Variants in CSMD3 observed in about 807,000 individuals in gnomAD.
CSMD3 encodes CUB and sushi domain-containing protein 3.
A neutral mutation model predicts 435.2 loss-of-function variants in CSMD3; 177 were observed. The observed-to-expected ratio is 0.41, with a 90% CI of 0.36 to 0.46. The LOEUF is 0.46. CSMD3 is among the 20% of genes least tolerant of loss of function. CSMD3 has a pLI of 0.34. For synonymous variants in CSMD3, 1,656 were observed against 1,520.5 expected (o/e 1.09, Z -2.07); for missense variants, 4,265 against 4,504.6 (o/e 0.95, Z 1.52).
chr8:113,279,849 T>C (rs909892264), intron 2 of CSMD3, among the ~76,000 whole-genome samples: 2 of 151,814 alleles, frequency 1.3e-5, no homozygotes, highest in Admixed American at 1.3e-4. Flanking sequence ...ATGTGCATAG[T>C]TATTAAACAT....
At chr8:112,565,806 T>A (rs1829015044) in intron 24 of CSMD3, among the ~76,000 whole-genome samples, 1 of 152,040 alleles carries the variant, frequency 6.6e-6, no homozygotes, top group Admixed American at 6.6e-5. Context: ...ACTCAATTCC[T>A]TTTTACAAAA....
At chr8:112,795,097 A>T (rs1195503893) in intron 13 of CSMD3, among the ~76,000 whole-genome samples, 2 of 152,162 alleles carry the variant, frequency 1.3e-5, no homozygotes, top group Non-Finnish European at 2.9e-5. Context: ...TTTGTTATTC[A>T]TACTATTCCA....
chr8:112,923,554 A>G (rs10447987), intron 9 of CSMD3, among the ~76,000 whole-genome samples: 2,992 of 151,988 alleles, frequency 0.02, 38 homozygotes, highest in Non-Finnish European at 0.029. Context: ...CCCATTCTCA[A>G]TTGTTCTGGT....
intron 28 of CSMD3, among the ~76,000 whole-genome samples, chr8:112,514,728 T>C (rs1246678127): frequency 6.6e-6 from 1 of 152,044 alleles, no homozygotes; most frequent in Non-Finnish European, 1.5e-5. Context: ...ACTGACTGTT[T>C]CTATATGCAA....
intron 7 of CSMD3, among the ~76,000 whole-genome samples, chr8:112,957,355 A>C (rs1404243685): frequency 6.6e-6 from 1 of 152,198 alleles, no homozygotes; most frequent in African/African-American, 2.4e-5. Context: ...TATACAGGTT[A>C]AGGAAAATGT....
At chr8:113,426,725 T>A (rs2130013580) in intron 1 of CSMD3, among the ~76,000 whole-genome samples, 1 of 151,564 alleles carries the variant, frequency 6.6e-6, no homozygotes, top group Middle Eastern at 3.4e-3. Flanking sequence ...TGATTTTAAA[T>A]CTCAATAAAA....
intron 13 of CSMD3, among the ~76,000 whole-genome samples, chr8:112,724,952 A>T (rs1037240426): frequency 2.0e-5 from 3 of 152,076 alleles, no homozygotes; most frequent in Non-Finnish European, 4.4e-5. Context: ...TAGACTTAGC[A>T]ATGTAGAGAA....
At chr8:112,504,032 T>A in intron 29 of CSMD3, 55 bp from the exon 30 acceptor site, 1 of 1,123,856 alleles carries the variant, frequency 8.9e-7, no homozygotes, top group Non-Finnish European at 1.3e-6. Flanking sequence ...ATAATTATTA[T>A]TAGGCTGTTA....
chr8:112,617,989 A>G (rs1177995941), intron 22 of CSMD3, among the ~76,000 whole-genome samples: 3 of 152,114 alleles, frequency 2.0e-5, no homozygotes, highest in African/African-American at 7.2e-5. Flanking sequence ...ATGTATTTAC[A>G]TAGAAGCAGA....
intron 10 of CSMD3, among the ~76,000 whole-genome samples, chr8:112,867,329 G>A (rs2081011728): frequency 6.6e-6 from 1 of 152,004 alleles, no homozygotes; most frequent in African/African-American, 2.4e-5. Flanking sequence ...TTCTGTCATG[G>A]CATATCATTC....
chr8:113,213,959 G>A (rs1319679831), intron 3 of CSMD3, among the ~76,000 whole-genome samples: 1 of 151,986 alleles, frequency 6.6e-6, no homozygotes, highest in East Asian at 1.9e-4. Context: ...AGATGCTGGA[G>A]GTACAGTGAC....
intron 14 of CSMD3, among the ~76,000 whole-genome samples, chr8:112,689,642 C>G (rs75698963): frequency 6.6e-6 from 1 of 151,916 alleles, no homozygotes; most frequent in Non-Finnish European, 1.5e-5. Context: ...TAAGAACACA[C>G]GTAATATATA....
intron 5 of CSMD3, among the ~76,000 whole-genome samples, chr8:113,039,381 G>C (rs185982233): frequency 6.6e-6 from 1 of 152,048 alleles, no homozygotes; most frequent in Non-Finnish European, 1.5e-5. Context: ...AATTAAATGG[G>C]TTGCTTACTT....
chr8:112,387,153 T>C (rs1830047973), intron 36 of CSMD3, among the ~76,000 whole-genome samples: 1 of 152,168 alleles, frequency 6.6e-6, no homozygotes, highest in Admixed American at 6.5e-5. Flanking sequence ...GAATCCACTC[T>C]TTGCCACAAA....
chr8:112,444,618 T>C (rs1163463395), intron 32 of CSMD3, among the ~76,000 whole-genome samples: 3 of 152,208 alleles, frequency 2.0e-5, no homozygotes, highest in South Asian at 2.1e-4. Flanking sequence ...AAATAGTGCA[T>C]ACAGTAATAT....
chr8:112,462,847 G>T (rs1817587175), intron 32 of CSMD3, among the ~76,000 whole-genome samples: 1 of 152,078 alleles, frequency 6.6e-6, no homozygotes, highest in Admixed American at 6.6e-5. Flanking sequence ...GCCACCAGTG[G>T]TAAGTTTAAA....
chr8:112,563,729 T>A (rs1410413119), intron 24 of CSMD3, among the ~76,000 whole-genome samples: 1 of 152,064 alleles, frequency 6.6e-6, no homozygotes, highest in Non-Finnish European at 1.5e-5. Context: ...TGACTACCAA[T>A]TTACATTCCC....
At position 112,689,981 on chromosome 8, in the gene CSMD3, G is replaced by A. The variant is rs764266200; in HGVS notation, c.2042C>T (p.Ser681Phe). ...LYGIREGDGF[S>F]NRDVLRFECQ... ...TTCAAACCTTAAAACATCACGATTA[G>A]AAAATCCATCGCCTTCTCTAATTCC... The change falls in exon 14 of 71, where the codon TCT becomes TTT. Residue 681 changes from serine (S) to phenylalanine (F), a missense_variant. This residue lies in a region of CSMD3 where 279 missense variants were observed against 369.0 expected (regional missense o/e 0.76). Coordinates refer to ENST00000297405, the MANE Select transcript of CSMD3 (RefSeq NM_198123.2). 14 of 1,613,026 alleles carry A rather than the reference G, an allele frequency of 8.7e-6. No homozygotes were observed.
rs534098456 is a variant in CSMD3, at chr8:112,982,142, G to A, written c.1031-5994C>T. ...GTAGTATCACTTTAATTTTTCATGC[G>A]TTTTGGAGGTTTCTCCGATGTGTAG... On this transcript the variant is annotated intron_variant, in intron 6 of 70. Coordinates refer to ENST00000297405, the MANE Select transcript of CSMD3 (RefSeq NM_198123.2). 5.9e-5 allele frequency among the ~76,000 whole-genome samples: 9 copies of A among 151,896 alleles called. 1 individual carries two copies. In the South Asian group the frequency reaches 8.3e-4, roughly 14 times the overall value.
Sources: gnomAD v4.1 joint callset for allele counts (sites outside exome capture counted in the v4.1 genomes callset) on GRCh38, gnomAD v4.1.1 for gene constraint, gnomAD v4.1.1 regional missense constraint, MANE v1.5 for transcripts, NCBI Gene and HGNC (gene_info 2026-07-23, HGNC 2026-07-21) for gene names.